The following CC2D1B variants were observed in gnomAD, a reference collection of about 807,000 sequenced individuals.
CC2D1B encodes coiled-coil and C2 domain-containing protein 1B.
CC2D1B carries 92 observed loss-of-function variants against 110.8 expected under a neutral mutation model. The ratio of observed to expected loss-of-function variants is 0.83; its 90% CI spans 0.70 to 0.99. CC2D1B has a LOEUF of 0.99. Ranked by LOEUF, CC2D1B falls within the 50% of genes least tolerant of loss-of-function variation. The pLI is 0.00. For missense variants in CC2D1B, 1,136 were observed against 1,089.0 expected (o/e 1.04, Z -0.61); for synonymous variants, 406 against 429.2 (o/e 0.95, Z 0.67).
At position 52,353,107 on chromosome 1, in the gene CC2D1B, C is replaced by A; in HGVS notation, c.*118G>T. 1 of 1,071,570 alleles carries A rather than the reference C, an allele frequency of 9.3e-7. No individual in the cohort carries two copies. The highest frequency in any genetic ancestry group is 1.3e-6 in the Non-Finnish European group (1 of 776,974). 66.4% of individuals were successfully genotyped at this position (1,071,570 alleles called of 1,614,324 possible). A position where few individuals can be genotyped will look rare whatever the true frequency, so the allele number is the denominator to read the frequency against. ...TCAGTAGTGCACATGCTTAACAGGT[C>A]TTTGGTGCTTGGGTAGCAGCATCTC... On this transcript the variant is annotated 3_prime_UTR_variant, in exon 25 of 25. Coordinates refer to ENST00000284376, the MANE Select transcript of CC2D1B (RefSeq NM_001330585.2).
chr1:52,354,216 A>G (rs2477101), intron 23 of CC2D1B: 380,345 of 380,840 alleles, frequency 1, 189,928 homozygotes, highest in East Asian at 1. Context: ...CAGGTGTGCT[A>G]CAGTGGGAAG....
At position 52,357,096 on chromosome 1, in the gene CC2D1B, C is replaced by T; in HGVS notation, c.1783G>A (p.Asp595Asn). ...TCCTCATGGTGGATGAGGATGAAGT[C>T]ACCCTCCTCATCCGTCAAGGGCGAA... ...VPSPLTDEEG[D>N]FILIHHEDLR... Residue 595 changes from aspartate (D) to asparagine (N), a missense_variant, in exon 16 of 25, where the codon GAC becomes AAC. Physicochemically the swap from Asp to Asn is conservative, Grantham distance 23 (BLOSUM62 1). Transcript: ENST00000284376. 2 of 1,613,560 alleles carry T rather than the reference C, an allele frequency of 1.2e-6. No homozygotes were observed. The highest frequency in any genetic ancestry group is 1.7e-6 in the Non-Finnish European group (2 of 1,179,820).
Position 52,361,570 on chromosome 1 carries a change from C to T in CC2D1B, c.261G>A (p.Met87Ile), listed in dbSNP as rs765452754. 6.2e-7 allele frequency: 1 copy of T among 1,613,980 alleles called. No individual in the cohort carries two copies. Among genetic ancestry groups the T allele is most frequent in the Admixed American group, 1.7e-5 (1 of 60,024 alleles). Residue 87 changes from methionine (M) to isoleucine (I), a missense_variant, in exon 4 of 25, where the codon ATG becomes ATA. Transcript: ENST00000284376. ...CCTCCTCCTCCTCCTCCACATCCCGCATACAGTCTGCCGCCAACTTCTCGA... is the reference window on the plus strand; with the variant it reads ...CCTCCTCCTCCTCCTCCACATCCCGTATACAGTCTGCCGCCAACTTCTCGA... Reference protein sequence around the residue: ...AHIEKLAADCMRDVEEEEEEE... With the variant: ...AHIEKLAADCIRDVEEEEEEE...
chr1:52,357,395 T>G (rs1035735692), intron 15 of CC2D1B, 131 bp downstream of exon 15: 2 of 1,070,884 alleles, frequency 1.9e-6, no homozygotes, highest in Non-Finnish European at 2.6e-6. Context: ...CAAAAGGCTC[T>G]TTCCCAGCTG....
rs1391012541 is a variant in CC2D1B at position 52,355,627 on chromosome 1, T to A, written c.2168A>T (p.Glu723Val). 6.2e-7 allele frequency: 1 copy of A among 1,614,052 alleles called. No homozygotes were observed. The highest frequency in any genetic ancestry group is 1.7e-5 in the Admixed American group (1 of 60,016). Reference sequence around the variant, plus strand: ...CCTCACCGAGTTAGGGTAGTGAAACTCAAACCGCACAAAAGCATCCAGGTC... The same window carrying A: ...CCTCACCGAGTTAGGGTAGTGAAACACAAACCGCACAAAAGCATCCAGGTC... Reference protein sequence around the residue: ...PDDLDAFVRFEFHYPNSDQAQ... With the variant: ...PDDLDAFVRFVFHYPNSDQAQ... The change falls in exon 20 of 25, where the codon GAG becomes GTG. Residue 723 changes from glutamate to valine, a missense_variant. Transcript: ENST00000284376.
At position 52,360,530 on chromosome 1, in the gene CC2D1B, A is replaced by G. The variant is rs1450801735; in HGVS notation, c.497T>C (p.Leu166Pro). 6.2e-7 allele frequency: 1 copy of G among 1,613,990 alleles called. No individual in the cohort carries two copies. The highest frequency in any genetic ancestry group is 1.3e-5 in the African/African-American group (1 of 74,950). Residue 166 changes from leucine (L) to proline (P), a missense_variant, in exon 6 of 25, where the codon CTA becomes CCA. Coordinates refer to ENST00000284376, the MANE Select transcript of CC2D1B (RefSeq NM_001330585.2). The stretch of plus-strand genomic sequence containing the variant: ...AATCCGTTCCTCCAGCAAAGCGTGT[A>G]GCCCCTGAGATGCTCCGGCCTATGA... ...PAAQAGASQG[L>P]HALLEERIHN... is the part of the protein sequence containing the mutation.
rs1334083436 is a variant in CC2D1B at position 52,358,401 on chromosome 1, G to A, written c.1391C>T (p.Ala464Val). The stretch of plus-strand genomic sequence containing the variant: ...CAGTTTCTCTGCAGCTGCCAATGTC[G>A]CTGCCACTGCGTCCTCCTCAACACC... ...TMGVEEDAVA[A>V]TLAAAEKLAS... is the part of the protein sequence containing the mutation. Residue 464 changes from alanine to valine, a missense_variant, in exon 13 of 25, where the codon GCG becomes GTG. Ala to Val is a moderately conservative substitution (Grantham distance 64). Coordinates refer to ENST00000284376, the MANE Select transcript of CC2D1B (RefSeq NM_001330585.2). 1.8e-5 allele frequency: 29 copies of A among 1,613,950 alleles called. No individual in the cohort carries two copies. The highest frequency in any genetic ancestry group is 2.4e-5 in the Non-Finnish European group (28 of 1,180,030).
rs1480529120 is a variant in CC2D1B at position 52,350,827 on chromosome 1, C to CGCGCA, written c.*2397_*2398insTGCGC. ...GTGGTACAATCGAGGCTCACTGCAA[C>CGCGCA]CTCTGCTTCCTGGGCTCAAGGGATT... On this transcript the variant is annotated 3_prime_UTR_variant, in exon 25 of 25. Coordinates refer to ENST00000284376, the MANE Select transcript of CC2D1B (RefSeq NM_001330585.2). 6.6e-6 allele frequency: 1 copy of CGCGCA among 152,290 alleles called. No individual in the cohort carries two copies. The highest frequency in any genetic ancestry group is 2.4e-5 in the African/African-American group (1 of 41,444). 9.4% of individuals were successfully genotyped at this position (152,290 alleles called of 1,614,324 possible).
In CC2D1B at chr1:52,357,593, C is replaced by A; in HGVS notation, c.1685G>T (p.Arg562Leu). ...QDLEQAKAYLRVAKWLEAQII... is the reference protein window; with the variant it reads ...QDLEQAKAYLLVAKWLEAQII... ...CTGAGCCTCAAGCCATTTGGCTACCCGCAGATAGGCTTTGGCCTGCTCCAG... is the reference window on the plus strand; with the variant it reads ...CTGAGCCTCAAGCCATTTGGCTACCAGCAGATAGGCTTTGGCCTGCTCCAG... The change falls in exon 15 of 25, where the codon CGG becomes CTG. Residue 562 changes from arginine (R) to leucine (L), a missense_variant. Arg to Leu is a moderately radical substitution (Grantham distance 102). Coordinates refer to ENST00000284376, the MANE Select transcript of CC2D1B (RefSeq NM_001330585.2). 3 of 1,586,550 alleles carry A rather than the reference C, an allele frequency of 1.9e-6. No individual in the cohort carries two copies. Among genetic ancestry groups the A allele is most frequent in the East Asian group, 2.3e-5 (1 of 43,650 alleles).
rs139388631 is a variant in CC2D1B, at chr1:52,361,162, T to A, written c.319-30A>T. 2,572 of 1,613,262 alleles carry A rather than the reference T, an allele frequency of 1.6e-3. 6 individuals are homozygous for A. Among genetic ancestry groups the A allele is most frequent in the South Asian group, 4.9e-3 (445 of 91,048 alleles). ...GGAGACAAAACACAGCCCAGGAGCTTGGGGGCCTCAAGACCATACCCACAA... is the reference window on the plus strand; with the variant it reads ...GGAGACAAAACACAGCCCAGGAGCTAGGGGGCCTCAAGACCATACCCACAA... On this transcript the variant is annotated intron_variant, in intron 4 of 24. Transcript: ENST00000284376.
intron 2 of CC2D1B, 24 bp from the exon 3 acceptor site, chr1:52,362,770 G>A (rs1342302500): frequency 6.2e-7 from 1 of 1,613,008 alleles, no homozygotes; most frequent in Admixed American, 1.7e-5. Context: ...AGGACTCTTA[G>A]GAACCACACA....
rs374603345 is a variant in CC2D1B at position 52,361,040 on chromosome 1, G to A, written c.411C>T (p.Asn137=). Reference sequence around the variant, plus strand: ...CTGGAGGTTCAGTGTCTTCTAGGCCGTTCTCCTCCTCAGAGCCGCCTGGGT... The same window carrying A: ...CTGGAGGTTCAGTGTCTTCTAGGCCATTCTCCTCCTCAGAGCCGCCTGGGT... ...VADPGGSEEE[N]GLEDTEPPVQ... The change falls in exon 5 of 25, where the codon AAC becomes AAT. Residue 137 remains asparagine (N), a synonymous_variant. Coordinates refer to ENST00000284376, the MANE Select transcript of CC2D1B (RefSeq NM_001330585.2). 2.5e-5 allele frequency: 40 copies of A among 1,614,056 alleles called. No individual in the cohort carries two copies. Among genetic ancestry groups the A allele is most frequent in the Admixed American group, 3.3e-5 (2 of 60,014 alleles).
In CC2D1B at chr1:52,359,450, C is replaced by T. The variant is rs1557549880; in HGVS notation, c.1018+9G>A. On this transcript the variant is annotated intron_variant, in intron 9 of 24. Coordinates refer to ENST00000284376, the MANE Select transcript of CC2D1B (RefSeq NM_001330585.2). Reference sequence around the variant, plus strand: ...AACCCCACCGCAGCCTGAGAAGATACATACTGACCCTCAGGTGCCGGGGGC... The same window carrying T: ...AACCCCACCGCAGCCTGAGAAGATATATACTGACCCTCAGGTGCCGGGGGC... 1 of 1,614,078 alleles carries T rather than the reference C, an allele frequency of 6.2e-7. No individual in the cohort carries two copies. The highest frequency in any genetic ancestry group is 8.5e-7 in the Non-Finnish European group (1 of 1,179,968).
chr1:52,366,171 G>A lies in CC2D1B; in HGVS notation c.-117C>T, dbSNP rs569000829. 3.9e-5 allele frequency: 6 copies of A among 152,318 alleles called. No homozygotes were observed. The highest frequency in any genetic ancestry group is 7.2e-5 in the African/African-American group (3 of 41,464). 9.4% of individuals were successfully genotyped at this position (152,318 alleles called of 1,614,324 possible). A position where few individuals can be genotyped will look rare whatever the true frequency, so the allele number is the denominator to read the frequency against. The stretch of plus-strand genomic sequence containing the variant: ...GCGGTAGCGACAGGAAGCGCCAGCA[G>A]GGGAGGTGGCTCGCGCGCAACACGT... On this transcript the variant is annotated 5_prime_UTR_variant, in exon 1 of 25. Transcript: ENST00000284376.
At chr1:52,353,680 A>C in intron 23 of CC2D1B, 33 bp from the exon 24 acceptor site, 2 of 1,518,248 alleles carry the variant, frequency 1.3e-6, no homozygotes, top group Non-Finnish European at 1.8e-6. Flanking sequence ...AATGGTAACT[A>C]AGGGGACAGA....
At chr1:52,354,194 A>G (rs1170084354) in intron 23 of CC2D1B, among the ~76,000 whole-genome samples, 1 of 152,228 alleles carries the variant, frequency 6.6e-6, no homozygotes, top group Non-Finnish European at 1.5e-5. Context: ...TTCCCCAGGC[A>G]GGCAGTAGGG....
chr1:52,361,340 G>C, intron 4 of CC2D1B, 173 bp downstream of exon 4: 1 of 1,263,738 alleles, frequency 7.9e-7, no homozygotes, highest in Non-Finnish European at 1.1e-6. Flanking sequence ...CCCAACTGCA[G>C]AGCTTAGACC....
chr1:52,359,571 A>AG (rs1646733496), intron 8 of CC2D1B, 37 bp from the exon 9 acceptor site: 1 of 1,606,840 alleles, frequency 6.2e-7, no homozygotes, highest in South Asian at 1.1e-5. Context: ...GGTGAAAGAC[A>AG]GGGGACCCCA....
At chr1:52,354,744 C>T in intron 22 of CC2D1B, 46 bp from the exon 23 acceptor site, 1 of 1,607,300 alleles carries the variant, frequency 6.2e-7, no homozygotes, top group Non-Finnish European at 8.5e-7. Context: ...GCAGGGAAGG[C>T]AGGAATGTGC....
Sources: gnomAD v4.1 joint callset for allele counts (sites outside exome capture counted in the v4.1 genomes callset) on GRCh38, gnomAD v4.1.1 for gene constraint, MANE v1.5 for transcripts, NCBI Gene and HGNC (gene_info 2026-07-23, HGNC 2026-07-21) for gene names.